Variants in ZNF710 observed in about 807,000 individuals in gnomAD.
The protein encoded by ZNF710 is zinc finger protein 710.
ZNF710 carries 13 observed loss-of-function variants against 50.6 expected under a neutral mutation model. That is an observed-to-expected ratio of 0.26 (90% CI 0.17 to 0.41). The LOEUF is 0.41. Among genes scored for constraint, ZNF710 ranks in the 10% least tolerant of loss-of-function variants. The pLI, the probability that ZNF710 is intolerant of heterozygous loss-of-function variation, is 1.00. For synonymous variants in ZNF710, 383 were observed against 397.0 expected (o/e 0.96, Z 0.42); for missense variants, 721 against 936.6 (o/e 0.77, Z 3.01).
At chr15:90,049,027 G>T (rs544376246) in intron 1 of ZNF710, among the ~76,000 whole-genome samples, 1 of 152,266 alleles carries the variant, frequency 6.6e-6, no homozygotes, top group South Asian at 2.1e-4. Flanking sequence ...CTCCTTCATG[G>T]GATTTAGATA....
chr15:90,000,745 G>T (rs899792146), upstream of ZNF710, among the ~76,000 whole-genome samples: 6 of 152,182 alleles, frequency 3.9e-5, no homozygotes, highest in Admixed American at 2.0e-4. Flanking sequence ...CTGGGGAGGG[G>T]CGGGCTCGGC....
At position 90,073,129 on chromosome 15, in the gene ZNF710, T is replaced by A; in HGVS notation, c.1517T>A (p.Met506Lys). ...CGGGAGTTCACCCTACAGGCGAACA[T>A]GAAGCGGCACATGCTGATCCACACC... ...CGREFTLQAN[M>K]KRHMLIHTSV... Residue 506 changes from methionine to lysine, a missense_variant, in exon 3 of 5, where the codon ATG (methionine) becomes AAG (lysine). Met to Lys is a moderately conservative substitution (Grantham distance 95). Coordinates refer to ENST00000268154, the MANE Select transcript of ZNF710 (RefSeq NM_198526.4). 1 of 1,614,054 alleles carries A rather than the reference T, an allele frequency of 6.2e-7. No homozygotes were observed. The highest frequency in any genetic ancestry group is 8.5e-7 in the Non-Finnish European group (1 of 1,180,004).
chr15:90,057,723 T>TAATAATAATAATA lies in ZNF710; in HGVS notation c.-28-9384_-28-9383insAATAATAATAAAT, dbSNP rs933717391. ...ATAATAATAATAATAATAATAATAA[T>TAATAATAATAATA]AATTTGGAGAATCAGAATCACTTAA... On this transcript the variant is annotated intron_variant, in intron 1 of 4. Coordinates refer to ENST00000268154, the MANE Select transcript of ZNF710 (RefSeq NM_198526.4). Among the ~76,000 whole-genome samples the TAATAATAATAATA allele has an allele frequency of 3.6e-4, 53 of 148,988 alleles. No homozygotes were observed. In the East Asian group the frequency reaches 8.8e-3, roughly 25 times the overall value.
chr15:90,047,590 C>CTTTT (rs11452913), intron 1 of ZNF710, among the ~76,000 whole-genome samples: 8 of 140,920 alleles, frequency 5.7e-5, no homozygotes, highest in South Asian at 2.2e-4. Flanking sequence ...TTTCTTTTTT[C>CTTTT]TTTTTTTTTT....
chr15:90,064,349 A>C (rs1351177813), intron 1 of ZNF710, among the ~76,000 whole-genome samples: 1 of 152,248 alleles, frequency 6.6e-6, no homozygotes, highest in Non-Finnish European at 1.5e-5. Context: ...TGTACAAATG[A>C]ATGAATGAGT....
chr15:90,069,275 G>A (rs139933057), intron 2 of ZNF710, among the ~76,000 whole-genome samples: 1,578 of 151,712 alleles, frequency 0.01, 17 homozygotes, highest in Non-Finnish European at 0.015. Flanking sequence ...GGGTGTGGTG[G>A]CATACACCTA....
rs1899921824 is a variant in ZNF710 at position 90,059,011 on chromosome 15, A to C, written c.-28-8099A>C. ...ATCTACAGGATACCTTCATAGCAAC[A>C]TCTAGCTTAGCCAAGCACACAGCCG... On this transcript the variant is annotated intron_variant, in intron 1 of 4. Coordinates refer to ENST00000268154, the MANE Select transcript of ZNF710 (RefSeq NM_198526.4). This position sits in a 1 kb window ranked among gnomAD's most constrained non-coding sequence, Gnocchi z 4.1. 6.6e-6 allele frequency among the ~76,000 whole-genome samples: 1 copy of C among 152,214 alleles called. No homozygotes were observed. The highest frequency in any genetic ancestry group is 1.5e-5 in the Non-Finnish European group (1 of 68,044).
At position 90,062,951 on chromosome 15, in the gene ZNF710, T is replaced by G. The variant is rs992846951; in HGVS notation, c.-28-4159T>G. On this transcript the variant is annotated intron_variant, in intron 1 of 4. Coordinates refer to ENST00000268154, the MANE Select transcript of ZNF710 (RefSeq NM_198526.4). This position sits in a 1 kb window ranked among gnomAD's most constrained non-coding sequence, Gnocchi z 5.6. ...GAGAGCATTACAGGGTGGTGTGTGT[T>G]CTACTCAGCCAAGTCTCCAGGCCAG... 2.0e-5 allele frequency among the ~76,000 whole-genome samples: 3 copies of G among 152,054 alleles called. No homozygotes were observed. Among genetic ancestry groups the G allele is most frequent in the Non-Finnish European group, 4.4e-5 (3 of 67,996 alleles).
chr15:90,069,813 C>T (rs1490529856), intron 2 of ZNF710, among the ~76,000 whole-genome samples: 1 of 152,150 alleles, frequency 6.6e-6, no homozygotes, highest in Admixed American at 6.6e-5. Flanking sequence ...CCCGTACTCC[C>T]CTGCCCTCCA....
At chr15:90,012,812 G>A (rs1484439880) in intron 1 of ZNF710, among the ~76,000 whole-genome samples, 2 of 151,938 alleles carry the variant, frequency 1.3e-5, no homozygotes, top group Non-Finnish European at 2.9e-5. Flanking sequence ...CATCCATTGA[G>A]CTTGTAATGT....
At chr15:90,038,449 G>A (rs1188909608) in intron 1 of ZNF710, among the ~76,000 whole-genome samples, 6 of 152,148 alleles carry the variant, frequency 3.9e-5, no homozygotes, top group Admixed American at 2.6e-4. Context: ...AAAGTGAGTT[G>A]CAGACAGCCC....
Position 90,079,893 on chromosome 15 carries a change from G to A in ZNF710, c.*64G>A, listed in dbSNP as rs562369990. The A allele has an allele frequency of 8.7e-5, 127 of 1,458,986 alleles. No homozygotes were observed. In the African/African-American group the frequency reaches 1.6e-3, roughly 19 times the overall value. 90.4% of individuals were successfully genotyped at this position (1,458,986 alleles called of 1,614,324 possible). On this transcript the variant is annotated 3_prime_UTR_variant, in exon 5 of 5. Transcript: ENST00000268154. ...GGCATGGGGGTGAGACCCATGGGCT[G>A]CAGGCTGCACCTCCTGCAGCCGAGA...
chr15:90,011,853 A>G (rs189767619), intron 1 of ZNF710, among the ~76,000 whole-genome samples: 62 of 152,152 alleles, frequency 4.1e-4, no homozygotes, highest in African/African-American at 1.4e-3. Flanking sequence ...TAGCCTGACC[A>G]TTATTTTCTC....
intron 1 of ZNF710, among the ~76,000 whole-genome samples, chr15:90,029,171 T>C (rs1051367555): frequency 1.6e-4 from 24 of 152,198 alleles, no homozygotes; most frequent in African/African-American, 2.4e-5. Context: ...ATAATAAATG[T>C]GGGTGTGGAA....
chr15:90,067,442 C>G lies in ZNF710; in HGVS notation c.305C>G (p.Pro102Arg). ...CACACCCGGCGGAAGACGCGGCCAC[C>G]TGTGCGGTTGGTGCCCAAGGTCAAG... is the stretch of plus-strand genomic sequence containing the variant. ...EKHTRRKTRP[P>R]VRLVPKVKFE... Residue 102 changes from proline (P) to arginine (R), a missense_variant, in exon 2 of 5, where the codon CCT becomes CGT. Physicochemically the swap from Pro to Arg is moderately radical, Grantham distance 103 (BLOSUM62 -2). This residue lies in a region of ZNF710 where 326 missense variants were observed against 347.1 expected (regional missense o/e 0.94). Coordinates refer to ENST00000268154, the MANE Select transcript of ZNF710 (RefSeq NM_198526.4). This position sits in a 1 kb window ranked among gnomAD's most constrained non-coding sequence, Gnocchi z 8.1. 6.2e-7 allele frequency: 1 copy of G among 1,610,034 alleles called. No homozygotes were observed. The highest frequency in any genetic ancestry group is 8.5e-7 in the Non-Finnish European group (1 of 1,177,992).
rs185273959 is a variant in ZNF710, at chr15:90,018,358, G to T, written c.-29+16744G>T. Among the ~76,000 whole-genome samples, 239 of 151,766 alleles carry T rather than the reference G, an allele frequency of 1.6e-3. 2 individuals are homozygous for T. The highest frequency in any genetic ancestry group is 6.8e-3 in the Middle Eastern group (2 of 294). ...TACTTTTTGTATTTTTAGTAGAGCC[G>T]GGGTTTCACCATGTTGGCAGGCTGG... is the stretch of plus-strand genomic sequence containing the variant. On this transcript the variant is annotated intron_variant, in intron 1 of 4. Transcript: ENST00000268154.
intron 1 of ZNF710, among the ~76,000 whole-genome samples, chr15:90,032,249 C>T (rs1472023774): frequency 1.3e-5 from 2 of 152,110 alleles, no homozygotes; most frequent in Admixed American, 6.6e-5. Flanking sequence ...CCTCCCGCCT[C>T]GGTCTCCCAA....
At chr15:90,071,484 A>C (rs1042612891) in intron 2 of ZNF710, among the ~76,000 whole-genome samples, 1 of 152,100 alleles carries the variant, frequency 6.6e-6, no homozygotes, top group African/African-American at 2.4e-5. Flanking sequence ...CACAAGACAC[A>C]GTCCCTGCTG....
chr15:90,000,752 C>T (rs1456038577), upstream of ZNF710, among the ~76,000 whole-genome samples: 3 of 152,260 alleles, frequency 2.0e-5, no homozygotes, highest in South Asian at 4.1e-4. Context: ...GGGGCGGGCT[C>T]GGCGGCCCTC....
Sources: allele counts gnomAD v4.1 joint callset (sites outside exome capture counted in the v4.1 genomes callset), GRCh38; gene constraint gnomAD v4.1.1; regional missense constraint gnomAD v4.1.1; non-coding constraint Gnocchi (gnomAD v3.1); transcripts MANE v1.5; gene names NCBI Gene and HGNC (gene_info 2026-07-23, HGNC 2026-07-21).